Variants in PCLO observed in about 807,000 individuals in gnomAD.
PCLO encodes piccolo presynaptic cytomatrix protein.
PCLO carries 82 observed loss-of-function variants against 427.5 expected under a neutral mutation model. That is an observed-to-expected ratio of 0.19 (90% CI 0.16 to 0.23). The LOEUF (loss-of-function observed/expected upper bound fraction) is 0.23, where lower values mean the gene tolerates loss of function less well. PCLO is among the 10% of genes least tolerant of loss of function. The pLI, the probability that PCLO is intolerant of heterozygous loss-of-function variation, is 1.00. For synonymous variants in PCLO, 2,357 were observed against 2,155.4 expected, an observed-to-expected ratio of 1.09 and a Z score of -2.59; for missense variants, 6,239 against 6,115.9, an observed-to-expected ratio of 1.02 and a Z score of -0.67.
chr7:82,952,150 C>T lies in PCLO; in HGVS notation c.8803G>A (p.Gly2935Arg). 1 of 1,600,268 alleles carries T rather than the reference C, an allele frequency of 6.2e-7. No homozygotes were observed. The highest frequency in any genetic ancestry group is 1.1e-5 in the South Asian group (1 of 90,272). The change falls in exon 5 of 25, where the codon GGG becomes AGG. Residue 2935 changes from glycine (G) to arginine (R), a missense_variant. Physicochemically the swap from Gly to Arg is moderately radical, Grantham distance 125. Around this residue, in one of 5 missense-constraint regions of PCLO, gnomAD observed 4,677 missense variants for 4,468.4 expected, o/e 1.05. Transcript: ENST00000333891. ...ACATCACAGCACACAGCTCTTCTCC[C>T]TGCGGTTAAATCAACGGGTTTTTCA... ...EDEKPVDLTAGRRAVCCDVVY... is the reference protein window; with the variant it reads ...EDEKPVDLTARRRAVCCDVVY...
chr7:83,145,425 T>C (rs980140723), intron 2 of PCLO, among the ~76,000 whole-genome samples: 2 of 152,150 alleles, frequency 1.3e-5, no homozygotes, highest in African/African-American at 4.8e-5. Flanking sequence ...ATACATACAC[T>C]TGCCATAACC....
intron 8 of PCLO, among the ~76,000 whole-genome samples, chr7:82,905,358 T>C (rs908782069): frequency 2.6e-5 from 4 of 152,016 alleles, no homozygotes; most frequent in African/African-American, 9.7e-5. Flanking sequence ...ATAGCCTTCA[T>C]GTCCTTTTTG....
At chr7:82,964,029 G>T (rs1335401267) in intron 4 of PCLO, among the ~76,000 whole-genome samples, 1 of 152,140 alleles carries the variant, frequency 6.6e-6, no homozygotes, top group Non-Finnish European at 1.5e-5. Context: ...ACATCTGAGT[G>T]ATGGAGTTCA....
chr7:83,056,095 G>A (rs1406770392), intron 3 of PCLO, among the ~76,000 whole-genome samples: 1 of 152,008 alleles, frequency 6.6e-6, no homozygotes, highest in Non-Finnish European at 1.5e-5. Context: ...AAGTATATGG[G>A]CCTCTAAATC....
chr7:83,105,527 A>G (rs896914022), intron 3 of PCLO, among the ~76,000 whole-genome samples: 5 of 146,126 alleles, frequency 3.4e-5, no homozygotes, highest in African/African-American at 1.2e-4. Context: ...ACAATAAAAT[A>G]CTAAGCATCT....
intron 3 of PCLO, among the ~76,000 whole-genome samples, chr7:83,126,580 T>C (rs145557329): frequency 3.0e-4 from 46 of 151,764 alleles, no homozygotes; most frequent in South Asian, 1.9e-3. Flanking sequence ...TGCATAAAAA[T>C]AAAAAAATTC....
At chr7:82,924,756 T>C (rs1305082336) in intron 6 of PCLO, among the ~76,000 whole-genome samples, 1 of 152,050 alleles carries the variant, frequency 6.6e-6, no homozygotes, top group African/African-American at 2.4e-5. Context: ...GGTGCATAGC[T>C]AAGCTTAATT....
At chr7:82,820,571 C>T (rs1043352142) in intron 20 of PCLO, 20 of 1,226,758 alleles carry the variant, frequency 1.6e-5, no homozygotes, top group African/African-American at 7.8e-5. Flanking sequence ...TATGGAAACA[C>T]GAGTGGAAAA....
intron 22 of PCLO, among the ~76,000 whole-genome samples, chr7:82,774,722 T>C (rs1014879748): frequency 6.6e-6 from 1 of 152,310 alleles, no homozygotes; most frequent in African/African-American, 2.4e-5. Context: ...TTTGTTACAA[T>C]TGATACACCT....
At chr7:83,070,024 A>G (rs1789772359) in intron 3 of PCLO, among the ~76,000 whole-genome samples, 1 of 152,100 alleles carries the variant, frequency 6.6e-6, no homozygotes, top group African/African-American at 2.4e-5. Flanking sequence ...AATTGGTTAT[A>G]GAAGATATGA....
At chr7:83,058,838 A>G (rs1170857080) in intron 3 of PCLO, among the ~76,000 whole-genome samples, 1 of 152,162 alleles carries the variant, frequency 6.6e-6, no homozygotes, top group Non-Finnish European at 1.5e-5. Flanking sequence ...ACTTACCTGG[A>G]TATTACACAA....
chr7:82,980,137 C>T (rs142475221), intron 3 of PCLO, among the ~76,000 whole-genome samples: 2 of 152,088 alleles, frequency 1.3e-5, no homozygotes, highest in Non-Finnish European at 2.9e-5. Flanking sequence ...CCCTCATTAC[C>T]TAGACTCTCC....
intron 1 of PCLO, among the ~76,000 whole-genome samples, chr7:83,160,018 C>A (rs1792393502): frequency 6.6e-6 from 1 of 152,004 alleles, no homozygotes; most frequent in African/African-American, 2.4e-5. Flanking sequence ...CAAAATAACC[C>A]AAAAACAATG....
At chr7:82,994,071 TGAC>T (rs1411302059) in intron 3 of PCLO, among the ~76,000 whole-genome samples, 1 of 152,074 alleles carries the variant, frequency 6.6e-6, no homozygotes, top group Non-Finnish European at 1.5e-5. Context: ...AAATAAATGT[TGAC>T]ATTTTTGAAT....
At chr7:82,811,936 ATATATG>A (rs1318605066) in intron 20 of PCLO, among the ~76,000 whole-genome samples, 4 of 150,898 alleles carry the variant, frequency 2.7e-5, no homozygotes, top group African/African-American at 4.8e-5. Flanking sequence ...TATTTTATAT[ATATATG>A]TAAACAATAT....
At chr7:82,939,069 C>A (rs924251670) in intron 6 of PCLO, among the ~76,000 whole-genome samples, 3 of 152,038 alleles carry the variant, frequency 2.0e-5, no homozygotes, top group Admixed American at 1.3e-4. Flanking sequence ...TGCCCGCGAA[C>A]CTTTCCATTC....
At chr7:82,890,385 A>T (rs1793729370) in intron 9 of PCLO, among the ~76,000 whole-genome samples, 1 of 151,690 alleles carries the variant, frequency 6.6e-6, no homozygotes, top group South Asian at 2.1e-4. Flanking sequence ...CATTAGTTCC[A>T]CTTCAAGTAT....
intron 2 of PCLO, among the ~76,000 whole-genome samples, chr7:83,149,975 A>AT (rs1792088327): frequency 6.6e-6 from 1 of 152,242 alleles, no homozygotes; most frequent in Admixed American, 6.5e-5. Flanking sequence ...AAAGACTTAT[A>AT]TATGTGCCAT....
At chr7:82,808,137 A>G (rs1203215872) in intron 20 of PCLO, among the ~76,000 whole-genome samples, 1 of 151,996 alleles carries the variant, frequency 6.6e-6, no homozygotes, top group Non-Finnish European at 1.5e-5. Context: ...GGATTCTATA[A>G]TCCAATTCAT....
Sources: gnomAD v4.1 joint callset for allele counts (sites outside exome capture counted in the v4.1 genomes callset) on GRCh38, gnomAD v4.1.1 for gene constraint, gnomAD v4.1.1 regional missense constraint, MANE v1.5 for transcripts, NCBI Gene and HGNC (gene_info 2026-07-23, HGNC 2026-07-21) for gene names.